SPOCK3: variants seen among roughly 807,000 people sequenced by gnomAD.
The protein encoded by SPOCK3 is testican-3.
In SPOCK3, 30 loss-of-function variants were observed where a neutral mutation model predicts 56.6. The observed-to-expected ratio is 0.53, with a 90% CI of 0.40 to 0.72. The LOEUF (loss-of-function observed/expected upper bound fraction) is 0.72. Among genes scored for constraint, SPOCK3 ranks in the 30% least tolerant of loss-of-function variants. The pLI is 0.00. For missense variants in SPOCK3, 527 were observed against 530.0 expected, an observed-to-expected ratio of 0.99 and a Z score of 0.06; for synonymous variants, 196 against 183.3, an observed-to-expected ratio of 1.07 and a Z score of -0.56.
chr4:166,977,724 A>T (rs946614987), intron 4 of SPOCK3, among the ~76,000 whole-genome samples: 6 of 152,156 alleles, frequency 3.9e-5, no homozygotes, highest in African/African-American at 1.4e-4. Flanking sequence ...TGCTTCTTAA[A>T]TGATTGTTCC....
At chr4:167,031,957 G>A (rs1254292435) in intron 3 of SPOCK3, among the ~76,000 whole-genome samples, 1 of 151,962 alleles carries the variant, frequency 6.6e-6, no homozygotes, top group Non-Finnish European at 1.5e-5. Context: ...AGTTCTGTTA[G>A]TCATTTCCTG....
intron 2 of SPOCK3, among the ~76,000 whole-genome samples, chr4:167,172,504 A>G (rs1730593826): frequency 6.6e-6 from 1 of 152,106 alleles, no homozygotes; most frequent in Admixed American, 6.6e-5. Context: ...CCTAATAATT[A>G]TTTCTTCCTT....
intron 6 of SPOCK3, among the ~76,000 whole-genome samples, chr4:166,840,980 G>C (rs1328229926): frequency 6.6e-6 from 1 of 151,216 alleles, no homozygotes; most frequent in Non-Finnish European, 1.5e-5. Context: ...GGGTTTCACC[G>C]TGTTAGCCAG....
At chr4:166,953,494 A>G (rs1742965112) in intron 4 of SPOCK3, among the ~76,000 whole-genome samples, 1 of 151,682 alleles carries the variant, frequency 6.6e-6, no homozygotes, top group Admixed American at 6.6e-5. Flanking sequence ...GTGGGACTGT[A>G]AACTAGTTCA....
rs879618599 is a variant in SPOCK3, at chr4:166,843,051, C to T, written c.589+46079G>A. On this transcript the variant is annotated intron_variant, in intron 6 of 10. Coordinates refer to ENST00000357545, the MANE Select transcript of SPOCK3 (RefSeq NM_001040159.2). ...CTGCTGGGGGGCCTGGCGCACCCTC[C>T]GCAGCTGCTGGCCTGGGTGCTAAGC... is the stretch of plus-strand genomic sequence containing the variant. 2.0e-4 allele frequency among the ~76,000 whole-genome samples: 30 copies of T among 152,306 alleles called. 1 individual carries two copies. The highest frequency in any genetic ancestry group is 5.0e-4 in the African/African-American group (21 of 41,586).
intron 4 of SPOCK3, among the ~76,000 whole-genome samples, chr4:166,982,738 C>G (rs967360477): frequency 6.6e-6 from 1 of 152,020 alleles, no homozygotes; most frequent in Non-Finnish European, 1.5e-5. Context: ...CTTTGAGTCA[C>G]TAAATGAATA....
chr4:166,903,572 G>A (rs557001119), intron 5 of SPOCK3, among the ~76,000 whole-genome samples: 1 of 152,148 alleles, frequency 6.6e-6, no homozygotes, highest in Admixed American at 6.6e-5. Context: ...CGACGTGACT[G>A]TGCTTTCATA....
At chr4:166,910,435 T>C (rs924806662) in intron 5 of SPOCK3, among the ~76,000 whole-genome samples, 1 of 152,246 alleles carries the variant, frequency 6.6e-6, no homozygotes, top group South Asian at 2.1e-4. Context: ...GGTATCACAG[T>C]GTGCCTCACG....
rs557294851 is a variant in SPOCK3 at position 166,861,704 on chromosome 4, C to T, written c.589+27426G>A. Reference sequence around the variant, plus strand: ...CTGAACTCATGCTGGTCATCCACAACATACTGGGGTTCCTAAGAGCCTGAT... The same window carrying T: ...CTGAACTCATGCTGGTCATCCACAATATACTGGGGTTCCTAAGAGCCTGAT... On this transcript the variant is annotated intron_variant, in intron 6 of 10. Transcript: ENST00000357545. Among the ~76,000 whole-genome samples, 3 of 152,194 alleles carry T rather than the reference C, an allele frequency of 2.0e-5. No homozygotes were observed. The South Asian group carries it at 6.2e-4, about 32-fold the overall frequency.
intron 2 of SPOCK3, among the ~76,000 whole-genome samples, chr4:167,066,336 C>G (rs762897003): frequency 1.3e-5 from 2 of 151,856 alleles, no homozygotes; most frequent in Non-Finnish European, 2.9e-5. Context: ...TGCTTCTACT[C>G]ATGAGATACC....
intron 4 of SPOCK3, among the ~76,000 whole-genome samples, chr4:166,997,610 A>C (rs1748520668): frequency 6.6e-6 from 1 of 152,180 alleles, no homozygotes; most frequent in Non-Finnish European, 1.5e-5. Flanking sequence ...GTAATTCAAG[A>C]TCTGGGTACA....
In SPOCK3 at chr4:166,844,515, G is replaced by A. The variant is rs571393831; in HGVS notation, c.589+44615C>T. ...AGAAATTACCCTTCATAGTGGGGTT[G>A]AGCCTCGTCCAATCAGCTGAAGACC... On this transcript the variant is annotated intron_variant, in intron 6 of 10. Transcript: ENST00000357545. Among the ~76,000 whole-genome samples the A allele has an allele frequency of 3.9e-5, 6 of 152,246 alleles. No individual in the cohort carries two copies. In the South Asian group the frequency reaches 1.2e-3, roughly 32 times the overall value.
chr4:166,799,363 C>T lies in SPOCK3; in HGVS notation c.590-7074G>A, dbSNP rs536463922. On this transcript the variant is annotated intron_variant, in intron 6 of 10. Coordinates refer to ENST00000357545, the MANE Select transcript of SPOCK3 (RefSeq NM_001040159.2). Reference sequence around the variant, plus strand: ...GAGGATTTTTTCTTCCAAACATCACCTTTTTCATCCAACCAATGGATCAAG... The same window carrying T: ...GAGGATTTTTTCTTCCAAACATCACTTTTTTCATCCAACCAATGGATCAAG... Among the ~76,000 whole-genome samples, 4 of 152,228 alleles carry T rather than the reference C, an allele frequency of 2.6e-5. No homozygotes were observed. In the East Asian group the frequency reaches 5.8e-4, roughly 22 times the overall value.
intron 2 of SPOCK3, among the ~76,000 whole-genome samples, chr4:167,216,573 G>A (rs989138100): frequency 1.3e-5 from 2 of 152,018 alleles, no homozygotes; most frequent in Non-Finnish European, 2.9e-5. Flanking sequence ...GATTGGGAAC[G>A]CTGAGGAGGA....
intron 6 of SPOCK3, among the ~76,000 whole-genome samples, chr4:166,885,283 C>A (rs1734078880): frequency 6.6e-6 from 1 of 150,472 alleles, no homozygotes; most frequent in African/African-American, 2.5e-5. Context: ...TAACCACCCA[C>A]CCCAACTTCA....
chr4:166,860,802 C>CATATATATATATATATATACATATAT, intron 6 of SPOCK3, among the ~76,000 whole-genome samples: 1 of 101,938 alleles, frequency 9.8e-6, no homozygotes, highest in Non-Finnish European at 2.0e-5. Context: ...CACACAAATT[C>CATATATATATATATATATACATATAT]ATATATATAT....
At chr4:166,860,723 C>A (rs1731136863) in intron 6 of SPOCK3, among the ~76,000 whole-genome samples, 1 of 149,322 alleles carries the variant, frequency 6.7e-6, no homozygotes, top group Non-Finnish European at 1.5e-5. Flanking sequence ...TGGGAAGAGA[C>A]TGGAGGTGTT....
At chr4:166,736,053 TTCTTA>T (rs1248549396) in intron 10 of SPOCK3, among the ~76,000 whole-genome samples, 5 of 152,132 alleles carry the variant, frequency 3.3e-5, no homozygotes, top group Admixed American at 1.3e-4. Flanking sequence ...TAATATTTTA[TTCTTA>T]TAATTATTTG....
At chr4:167,026,170 AT>A (rs546714785) in intron 3 of SPOCK3, among the ~76,000 whole-genome samples, 83 of 152,182 alleles carry the variant, frequency 5.5e-4, no homozygotes, top group African/African-American at 1.9e-3. Flanking sequence ...CTGTAAATCA[AT>A]TAATGTTGAA....
Sources: gnomAD v4.1 joint callset for allele counts (sites outside exome capture counted in the v4.1 genomes callset) on GRCh38, gnomAD v4.1.1 for gene constraint, MANE v1.5 for transcripts, NCBI Gene and HGNC (gene_info 2026-07-23, HGNC 2026-07-21) for gene names.